Variants in NBEA observed in about 807,000 individuals in gnomAD.
NBEA encodes the protein lysosomal-trafficking regulator 2.
In NBEA, 44 loss-of-function variants were observed where a neutral mutation model predicts 343.4. That is an observed-to-expected ratio of 0.13 (90% CI 0.10 to 0.16). NBEA has a LOEUF of 0.16. NBEA is among the 10% of genes least tolerant of loss of function. The pLI, the probability that NBEA is intolerant of heterozygous loss-of-function variation, is 1.00. For synonymous variants in NBEA, 1,175 were observed against 1,238.7 expected (o/e 0.95, Z 1.08); for missense variants, 2,555 against 3,631.3 (o/e 0.70, Z 7.62).
intron 38 of NBEA, among the ~76,000 whole-genome samples, chr13:35,414,580 A>G (rs1313012850): frequency 2.0e-5 from 3 of 152,176 alleles, no homozygotes; most frequent in Non-Finnish European, 2.9e-5. Flanking sequence ...CTATGGCTGC[A>G]TAGTATTCCA....
chr13:35,477,375 T>TA (rs1296704501), intron 41 of NBEA, among the ~76,000 whole-genome samples: 2 of 152,178 alleles, frequency 1.3e-5, no homozygotes, highest in Non-Finnish European at 2.9e-5. Context: ...TTAGGATATT[T>TA]AAAAAATATT....
In NBEA at chr13:35,667,503, G is replaced by A; in HGVS notation, c.8594G>A (p.Gly2865Glu). ...CACTGTATCATATACTATGAACGAG[G>A]GCGATTCAGTAATTTCAGCATTAAT... ...EGHCIIYYER[G>E]RFSNFSINGK... is the part of the protein sequence containing the mutation. The change falls in exon 57 of 59, where the codon GGG (glycine) becomes GAG (glutamate). Residue 2865 changes from glycine (G) to glutamate (E), a missense_variant. This residue lies in a region of NBEA where 186 missense variants were observed against 328.9 expected (regional missense o/e 0.57). Transcript: ENST00000379939. 1 of 1,613,892 alleles carries A rather than the reference G, an allele frequency of 6.2e-7. No homozygotes were observed. Among genetic ancestry groups the A allele is most frequent in the Non-Finnish European group, 8.5e-7 (1 of 1,179,862 alleles).
intron 48 of NBEA, among the ~76,000 whole-genome samples, chr13:35,614,067 C>G (rs1028328441): frequency 1.3e-5 from 2 of 152,180 alleles, no homozygotes; most frequent in East Asian, 3.8e-4. Flanking sequence ...TTATATCTCA[C>G]TGTGGCTTTA....
chr13:35,429,805 G>GTGTGTGTT (rs2044973195), intron 38 of NBEA, among the ~76,000 whole-genome samples: 1 of 140,780 alleles, frequency 7.1e-6, no homozygotes, highest in South Asian at 2.5e-4. Context: ...CCCAACGTGT[G>GTGTGTGTT]TGTGTGTGTG....
intron 49 of NBEA, 76 bp from the exon 50 acceptor site, chr13:35,645,793 G>A: frequency 1.2e-6 from 1 of 812,900 alleles, no homozygotes; most frequent in Non-Finnish European, 1.9e-6. Flanking sequence ...TGAATTAATT[G>A]GAACCTATAA....
intron 36 of NBEA, among the ~76,000 whole-genome samples, chr13:35,342,209 TG>T (rs2039625467): frequency 6.6e-6 from 1 of 152,006 alleles, no homozygotes; most frequent in Non-Finnish European, 1.5e-5. Context: ...AAGAGGAAAT[TG>T]AAACTAACTA....
At chr13:35,021,909 C>T (rs1022434740) in intron 1 of NBEA, among the ~76,000 whole-genome samples, 2 of 152,086 alleles carry the variant, frequency 1.3e-5, no homozygotes, top group Non-Finnish European at 2.9e-5. Flanking sequence ...AGATACTTAA[C>T]ATTCTGGTGC....
Position 35,422,546 on chromosome 13 carries a change from CGTT to C in NBEA, c.6180-9718_6180-9716del, listed in dbSNP as rs201480635. Among the ~76,000 whole-genome samples, 7 of 152,148 alleles carry C rather than the reference CGTT, an allele frequency of 4.6e-5. No homozygotes were observed. In the East Asian group the frequency reaches 1.4e-3, roughly 29 times the overall value. On this transcript the variant is annotated intron_variant, in intron 38 of 58. Transcript: ENST00000379939. ...GCCACATTTTCTTAATCCAGTCTAT[CGTT>C]GTTGGACATTTGGGTTGGTTCCAAG...
At chr13:35,603,113 G>A (rs1053869588) in intron 47 of NBEA, among the ~76,000 whole-genome samples, 2 of 151,872 alleles carry the variant, frequency 1.3e-5, no homozygotes, top group African/African-American at 4.8e-5. Context: ...TCATTTCAGG[G>A]TTTATATCCT....
At position 35,208,847 on chromosome 13, in the gene NBEA, T is replaced by C. The variant is rs1230783708; in HGVS notation, c.5514T>C (p.Asn1838=). The change falls in exon 32 of 59, where the codon AAT becomes AAC. Residue 1838 remains asparagine, a synonymous_variant. Transcript: ENST00000379939. ...GAGCTACACCAAAAAGTATGATTAA[T>C]ACAACAGGTATTGTACTTACATATT... is the stretch of plus-strand genomic sequence containing the variant. ...ATGATPKSMI[N]TTGAVDSGSS... is the part of the protein sequence containing the mutation. The C allele has an allele frequency of 6.3e-6, 10 of 1,587,016 alleles. No homozygotes were observed. Among genetic ancestry groups the C allele is most frequent in the Admixed American group, 1.7e-5 (1 of 57,686 alleles).
rs142897126 is a variant in NBEA at position 35,284,856 on chromosome 13, A to T, written c.5777-5533A>T. On this transcript the variant is annotated intron_variant, in intron 34 of 58. Coordinates refer to ENST00000379939, the MANE Select transcript of NBEA (RefSeq NM_001385012.1). ...CAGATTAAAAAAGTAAAAGAATAGTAGAAAATATCAGAAATTACTGTTGTG... is the reference window on the plus strand; with the variant it reads ...CAGATTAAAAAAGTAAAAGAATAGTTGAAAATATCAGAAATTACTGTTGTG... Among the ~76,000 whole-genome samples, 1,047 of 152,266 alleles carry T rather than the reference A, an allele frequency of 6.9e-3. 12 individuals carry two copies. The highest frequency in any genetic ancestry group is 0.024 in the African/African-American group (994 of 41,552).
rs2075292549 is a variant in NBEA at position 35,237,505 on chromosome 13, G to T, written c.5776+4886G>T. ...ATTTGATATGCTTTTCCTTTCCCTT[G>T]AGAAGAAAATGTATCAAAGCATTAT... On this transcript the variant is annotated intron_variant, in intron 34 of 58. Coordinates refer to ENST00000379939, the MANE Select transcript of NBEA (RefSeq NM_001385012.1). Among the ~76,000 whole-genome samples the T allele has an allele frequency of 2.0e-5, 3 of 152,114 alleles. No homozygotes were observed. The South Asian group carries it at 6.2e-4, about 31-fold the overall frequency.
intron 45 of NBEA, among the ~76,000 whole-genome samples, chr13:35,575,824 T>A (rs961873771): frequency 1.3e-5 from 2 of 152,156 alleles, no homozygotes; most frequent in Non-Finnish European, 2.9e-5. Context: ...ACAGTACATC[T>A]GATTCTTCTG....
intron 41 of NBEA, among the ~76,000 whole-genome samples, chr13:35,543,180 A>T (rs899191571): frequency 1.3e-5 from 2 of 152,204 alleles, no homozygotes; most frequent in African/African-American, 4.8e-5. Flanking sequence ...TAAAAAATGA[A>T]ATTATATTAG....
intron 33 of NBEA, among the ~76,000 whole-genome samples, chr13:35,224,073 A>G (rs2074522873): frequency 6.6e-6 from 1 of 152,138 alleles, no homozygotes; most frequent in African/African-American, 2.4e-5. Context: ...TAATGCATCC[A>G]GTTTTTCTCA....
chr13:35,015,830 A>G (rs2061638652), intron 1 of NBEA, among the ~76,000 whole-genome samples: 1 of 152,138 alleles, frequency 6.6e-6, no homozygotes, highest in Admixed American at 6.5e-5. Flanking sequence ...AACTTACATA[A>G]TAACCTCATT....
At chr13:35,498,863 A>C (rs142952866) in intron 41 of NBEA, among the ~76,000 whole-genome samples, 28 of 152,144 alleles carry the variant, frequency 1.8e-4, no homozygotes, top group African/African-American at 6.3e-4. Flanking sequence ...GCCTGGTACA[A>C]ACGACATATA....
intron 44 of NBEA, among the ~76,000 whole-genome samples, chr13:35,559,821 C>T (rs1038976569): frequency 2.0e-5 from 3 of 150,450 alleles, no homozygotes. Context: ...AAGGCTGAGG[C>T]AGGAGAAGCT....
chr13:35,468,524 T>A lies in NBEA; in HGVS notation c.6449-3876T>A, dbSNP rs1300189509. Among the ~76,000 whole-genome samples the A allele has an allele frequency of 2.6e-5, 4 of 152,296 alleles. No homozygotes were observed. The East Asian group carries it at 7.7e-4, about 29-fold the overall frequency. ...TTGATTGAAATACTTAATCATTGAATTATTTCTGATGCCTGACAGAGCCCA... is the reference window on the plus strand; with the variant it reads ...TTGATTGAAATACTTAATCATTGAAATATTTCTGATGCCTGACAGAGCCCA... On this transcript the variant is annotated intron_variant, in intron 40 of 58. Coordinates refer to ENST00000379939, the MANE Select transcript of NBEA (RefSeq NM_001385012.1).
Sources: allele counts gnomAD v4.1 joint callset (sites outside exome capture counted in the v4.1 genomes callset), GRCh38; gene constraint gnomAD v4.1.1; regional missense constraint gnomAD v4.1.1; transcripts MANE v1.5; gene names NCBI Gene and HGNC (gene_info 2026-07-23, HGNC 2026-07-21).